The following PLSCR4 variants were observed in gnomAD, a reference collection of about 807,000 sequenced individuals.
PLSCR4 encodes phospholipid scramblase 4, also known as Ca(2+)-dependent phospholipid scramblase 4.
Under a neutral mutation model 36.3 loss-of-function variants are expected in PLSCR4, and 25 were observed. That is an observed-to-expected ratio of 0.69 (90% confidence interval 0.50 to 0.96). PLSCR4 has a LOEUF of 0.96. Ranked by LOEUF, PLSCR4 falls within the 40% of genes least tolerant of loss-of-function variation. The probability of loss-of-function intolerance (pLI) is 0.00; values close to 1 mark genes in which losing one functional copy is unlikely to be tolerated. For synonymous variants in PLSCR4, 122 were observed against 132.9 expected (o/e 0.92, Z 0.56); for missense variants, 408 against 414.7 (o/e 0.98, Z 0.14).
intron 1 of PLSCR4, among the ~76,000 whole-genome samples, chr3:146,230,785 C>T (rs2035679941): frequency 6.6e-6 from 1 of 152,142 alleles, no homozygotes; most frequent in Non-Finnish European, 1.5e-5. Flanking sequence ...TGGATGGACG[C>T]TTCAGCTAGA....
chr3:146,207,438 G>T (rs760208177), intron 3 of PLSCR4, among the ~76,000 whole-genome samples: 10 of 151,354 alleles, frequency 6.6e-5, no homozygotes, highest in Admixed American at 1.3e-4. Context: ...AGTTCTGGAG[G>T]CTGGGAAGTT....
chr3:146,249,814 A>T (rs1356132134), intron 1 of PLSCR4, among the ~76,000 whole-genome samples: 1 of 152,110 alleles, frequency 6.6e-6, no homozygotes, highest in Non-Finnish European at 1.5e-5. Flanking sequence ...AATGTTATGT[A>T]TTTTATTGGA....
At chr3:146,224,703 C>T (rs2035360726) in intron 1 of PLSCR4, among the ~76,000 whole-genome samples, 1 of 152,040 alleles carries the variant, frequency 6.6e-6, no homozygotes, top group Non-Finnish European at 1.5e-5. Context: ...CCAATGCTGG[C>T]TCGGGCAGCC....
intron 6 of PLSCR4, among the ~76,000 whole-genome samples, chr3:146,197,182 C>G (rs2033792142): frequency 6.6e-6 from 1 of 152,168 alleles, no homozygotes; most frequent in African/African-American, 2.4e-5. Flanking sequence ...AAACATGGAA[C>G]TAGGAAGTGG....
At chr3:146,203,444 G>C (rs1348146438) in intron 4 of PLSCR4, among the ~76,000 whole-genome samples, 1 of 151,976 alleles carries the variant, frequency 6.6e-6, no homozygotes, top group African/African-American at 2.4e-5. Flanking sequence ...TTTTAGCTAT[G>C]AAAGTCCTAG....
intron 2 of PLSCR4, among the ~76,000 whole-genome samples, chr3:146,221,532 C>T (rs887800386): frequency 3.3e-5 from 5 of 152,046 alleles, no homozygotes; most frequent in Non-Finnish European, 7.4e-5. Context: ...GATGTTGTAC[C>T]TTGTCTTCTT....
chr3:146,207,311 C>T (rs2034391612), intron 3 of PLSCR4, among the ~76,000 whole-genome samples: 2 of 152,076 alleles, frequency 1.3e-5, no homozygotes, highest in South Asian at 4.1e-4. Context: ...TCAGACTGGT[C>T]CCCAATCCTG....
At chr3:146,220,688 C>T (rs2035092552) in intron 3 of PLSCR4, 127 bp downstream of exon 3, 2 of 666,152 alleles carry the variant, frequency 3.0e-6, no homozygotes, top group Non-Finnish European at 2.7e-6. Flanking sequence ...CTATGTGGCA[C>T]CCTATTGGCA....
intron 1 of PLSCR4, among the ~76,000 whole-genome samples, chr3:146,250,071 G>A (rs1424701455): frequency 6.6e-6 from 1 of 152,154 alleles, no homozygotes. Flanking sequence ...GTGATAATAT[G>A]TTCCCCTACC....
chr3:146,246,273 C>T (rs913232779), intron 1 of PLSCR4, among the ~76,000 whole-genome samples: 2 of 151,948 alleles, frequency 1.3e-5, no homozygotes, highest in African/African-American at 4.8e-5. Flanking sequence ...TAATGTTCAA[C>T]AAATTACAAG....
intron 1 of PLSCR4, among the ~76,000 whole-genome samples, chr3:146,237,303 T>A (rs2035958746): frequency 6.6e-6 from 1 of 152,116 alleles, no homozygotes; most frequent in Admixed American, 6.5e-5. Flanking sequence ...TATGTGCACA[T>A]CACAATACAG....
Position 146,199,955 on chromosome 3 carries a change from T to A in PLSCR4, c.482A>T (p.Asp161Val). The A allele has an allele frequency of 6.2e-7, 1 of 1,613,456 alleles. No individual in the cohort carries two copies. Among genetic ancestry groups the A allele is most frequent in the Non-Finnish European group, 8.5e-7 (1 of 1,179,584 alleles). The change falls in exon 6 of 9, where the codon GAT (aspartate) becomes GTT (valine). Residue 161 changes from aspartate to valine, a missense_variant. Asp to Val is a radical substitution (Grantham distance 152). Transcript: ENST00000354952. ...CCGATAGGCATTCCTGGTAAAGTCATCTGTGTCTTCGGTTACAATGTAAAC... is the reference window on the plus strand; with the variant it reads ...CCGATAGGCATTCCTGGTAAAGTCAACTGTGTCTTCGGTTACAATGTAAAC... ...QMVYIVTEDT[D>V]DFTRNAYRTL...
At chr3:146,229,024 T>C (rs1020801809) in intron 1 of PLSCR4, among the ~76,000 whole-genome samples, 5 of 152,208 alleles carry the variant, frequency 3.3e-5, no homozygotes, top group Non-Finnish European at 5.9e-5. Context: ...TTCCTAAATG[T>C]CTGATGTATT....
intron 1 of PLSCR4, among the ~76,000 whole-genome samples, chr3:146,231,186 T>C (rs914398006): frequency 3.3e-5 from 5 of 152,198 alleles, no homozygotes; most frequent in Non-Finnish European, 7.4e-5. Flanking sequence ...TGTTGCTATA[T>C]AGGACATGAT....
intron 3 of PLSCR4, among the ~76,000 whole-genome samples, chr3:146,207,594 A>G (rs1490892939): frequency 6.6e-6 from 1 of 152,038 alleles, no homozygotes; most frequent in Non-Finnish European, 1.5e-5. Flanking sequence ...CTTATAGGGT[A>G]TGAGTGCCAT....
At chr3:146,206,453 G>T in intron 4 of PLSCR4, 73 bp downstream of exon 4, 3 of 1,102,138 alleles carry the variant, frequency 2.7e-6, no homozygotes, top group Non-Finnish European at 4.1e-6. Flanking sequence ...ACTCTGGTCT[G>T]CTTTTTTTCT....
intron 3 of PLSCR4, among the ~76,000 whole-genome samples, chr3:146,218,447 A>G (rs1169482230): frequency 6.6e-6 from 1 of 151,812 alleles, no homozygotes; most frequent in Non-Finnish European, 1.5e-5. Context: ...AAAAATTGCC[A>G]TTTAGATTTT....
intron 4 of PLSCR4, among the ~76,000 whole-genome samples, chr3:146,202,287 T>A (rs895133125): frequency 6.6e-6 from 1 of 152,034 alleles, no homozygotes; most frequent in Non-Finnish European, 1.5e-5. Flanking sequence ...CTGAAGATAC[T>A]ACAAGTTTGG....
At chr3:146,198,204 A>G (rs1235464814) in intron 6 of PLSCR4, among the ~76,000 whole-genome samples, 1 of 152,146 alleles carries the variant, frequency 6.6e-6, no homozygotes, top group Non-Finnish European at 1.5e-5. Context: ...TGGATATGGT[A>G]ATAAAAGAGG....
Sources: allele counts gnomAD v4.1 joint callset (sites outside exome capture counted in the v4.1 genomes callset), GRCh38; gene constraint gnomAD v4.1.1; transcripts MANE v1.5; gene names NCBI Gene and HGNC (gene_info 2026-07-23, HGNC 2026-07-21).